Variants in NRDC observed in about 807,000 individuals in gnomAD.
NRDC encodes nardilysin.
A neutral mutation model predicts 147.1 loss-of-function variants in NRDC; 54 were observed. The observed-to-expected ratio is 0.37, with a 90% CI of 0.29 to 0.46. The LOEUF (loss-of-function observed/expected upper bound fraction) is 0.46, where lower values mean the gene tolerates loss of function less well. Ranked by LOEUF, NRDC falls within the 20% of genes least tolerant of loss-of-function variation. NRDC has a pLI of 1.00. For synonymous variants in NRDC, 440 were observed against 482.1 expected (o/e 0.91, Z 1.14); for missense variants, 1,082 against 1,370.6 (o/e 0.79, Z 3.33).
Position 51,817,720 on chromosome 1 carries a change from T to C in NRDC, c.1361+346A>G, listed in dbSNP as rs541561701. Among the ~76,000 whole-genome samples, 6 of 152,306 alleles carry C rather than the reference T, an allele frequency of 3.9e-5. No individual in the cohort carries two copies. In the East Asian group the frequency reaches 1.2e-3, roughly 29 times the overall value. Reference sequence around the variant, plus strand: ...CCACGCCTTGGCTAGTTTTTTGATATTTTTAGTCGAGACAGGGTTTCGCTA... The same window carrying C: ...CCACGCCTTGGCTAGTTTTTTGATACTTTTAGTCGAGACAGGGTTTCGCTA... On this transcript the variant is annotated intron_variant, in intron 10 of 30. Coordinates refer to ENST00000352171, the MANE Select transcript of NRDC (RefSeq NM_001101662.2).
intron 22 of NRDC, among the ~76,000 whole-genome samples, chr1:51,796,927 A>G (rs1571840486): frequency 6.9e-6 from 1 of 144,212 alleles, no homozygotes; most frequent in East Asian, 2.4e-4. Context: ...AGGGCCAGGC[A>G]CGGTGGCTCA....
At chr1:51,876,806 G>GTT (rs1683351168) in intron 1 of NRDC, among the ~76,000 whole-genome samples, 2 of 152,224 alleles carry the variant, frequency 1.3e-5, no homozygotes, top group Admixed American at 1.3e-4. Flanking sequence ...CTATAAGGTT[G>GTT]TTTCTTGCGC....
At chr1:51,831,301 C>T (rs1346049391) in intron 4 of NRDC, among the ~76,000 whole-genome samples, 1 of 152,154 alleles carries the variant, frequency 6.6e-6, no homozygotes, top group Non-Finnish European at 1.5e-5. Flanking sequence ...TCCTTTTTCC[C>T]AATAAAATCA....
chr1:51,845,033 A>G lies in NRDC; in HGVS notation c.342-4519T>C, dbSNP rs183717517. ...TTTCAAAATTCATCATTGGCTTCCC[A>G]TCATACTTAAAATCCAAAATCCTTA... On this transcript the variant is annotated intron_variant, in intron 1 of 30. Transcript: ENST00000352171. 2.6e-3 allele frequency among the ~76,000 whole-genome samples: 402 copies of G among 152,268 alleles called. 4 individuals carry two copies. Among genetic ancestry groups the G allele is most frequent in the African/African-American group, 9.1e-3 (380 of 41,560 alleles).
intron 18 of NRDC, 56 bp downstream of exon 18, chr1:51,806,738 C>A: frequency 2.0e-6 from 3 of 1,514,342 alleles, no homozygotes; most frequent in Non-Finnish European, 2.7e-6. Context: ...TGAAACAGAG[C>A]ATCTAAAGAG....
chr1:51,869,467 GTAAACATA>G (rs1682978956), intron 1 of NRDC, among the ~76,000 whole-genome samples: 1 of 152,068 alleles, frequency 6.6e-6, no homozygotes, highest in Non-Finnish European at 1.5e-5. Context: ...TATAATTTAA[GTAAACATA>G]TAACAGTAAT....
At chr1:51,856,352 C>G (rs1381424784) in intron 1 of NRDC, among the ~76,000 whole-genome samples, 2 of 152,110 alleles carry the variant, frequency 1.3e-5, no homozygotes, top group African/African-American at 2.4e-5. Flanking sequence ...GCATCAGATC[C>G]CCCAGGATGA....
intron 1 of NRDC, among the ~76,000 whole-genome samples, chr1:51,865,761 T>A (rs537683325): frequency 6.6e-6 from 1 of 152,124 alleles, no homozygotes; most frequent in East Asian, 1.9e-4. Flanking sequence ...TTTTAAAACC[T>A]AACAATATCG....
intron 1 of NRDC, among the ~76,000 whole-genome samples, chr1:51,867,440 A>G (rs572683565): frequency 2.0e-5 from 3 of 152,356 alleles, no homozygotes; most frequent in Admixed American, 2.0e-4. Context: ...TGGAGGTAGG[A>G]AAACAAAATT....
At chr1:51,865,014 T>C (rs970384635) in intron 1 of NRDC, among the ~76,000 whole-genome samples, 2 of 151,220 alleles carry the variant, frequency 1.3e-5, no homozygotes, top group African/African-American at 2.4e-5. Context: ...TAGAATAAGA[T>C]ACAAAAAGTG....
At chr1:51,796,299 C>T (rs1418884827) in intron 22 of NRDC, among the ~76,000 whole-genome samples, 7 of 151,768 alleles carry the variant, frequency 4.6e-5, no homozygotes, top group Admixed American at 1.3e-4. Flanking sequence ...AGTGCAGTGG[C>T]GTGATCTCGG....
rs74992594 is a variant in NRDC, at chr1:51,806,511, A to G, written c.2110+283T>C. On this transcript the variant is annotated intron_variant, in intron 18 of 30. Coordinates refer to ENST00000352171, the MANE Select transcript of NRDC (RefSeq NM_001101662.2). The stretch of plus-strand genomic sequence containing the variant: ...TAGGAGGACAGTATAAATCTGGTAG[A>G]TAAGCCTAGAAAAAGTCTTCAAACG... Among the ~76,000 whole-genome samples the G allele has an allele frequency of 7.8e-3, 1,190 of 152,332 alleles. 15 individuals are homozygous for G. Among genetic ancestry groups the G allele is most frequent in the African/African-American group, 0.028 (1,146 of 41,560 alleles).
At chr1:51,814,861 G>A (rs1179099700) in intron 11 of NRDC, 48 bp from the exon 12 acceptor site, 1 of 1,500,610 alleles carries the variant, frequency 6.7e-7, no homozygotes, top group Admixed American at 2.4e-5. Context: ...TGGATTGACA[G>A]TCTACAGACA....
chr1:51,861,468 T>A (rs1682538440), intron 1 of NRDC, among the ~76,000 whole-genome samples: 1 of 151,688 alleles, frequency 6.6e-6, no homozygotes, highest in Non-Finnish European at 1.5e-5. Context: ...TAGCTGGGAC[T>A]ACAGGTGCAT....
intron 1 of NRDC, among the ~76,000 whole-genome samples, chr1:51,867,455 T>G (rs1557940612): frequency 6.6e-6 from 1 of 152,204 alleles, no homozygotes; most frequent in Non-Finnish European, 1.5e-5. Context: ...AAAATTTATT[T>G]TATACAGGCT....
At chr1:51,846,323 A>G (rs1681581470) in intron 1 of NRDC, among the ~76,000 whole-genome samples, 1 of 152,168 alleles carries the variant, frequency 6.6e-6, no homozygotes, top group South Asian at 2.1e-4. Flanking sequence ...CATGTTGGCC[A>G]GGCTGGTCTC....
intron 1 of NRDC, among the ~76,000 whole-genome samples, chr1:51,841,635 A>G (rs1681271214): frequency 6.6e-6 from 1 of 152,214 alleles, no homozygotes; most frequent in Non-Finnish European, 1.5e-5. Context: ...TCATGTATTT[A>G]TTCAATAAAC....
Position 51,825,318 on chromosome 1 carries a change from T to A in NRDC, c.1005A>T (p.Arg335Ser), listed in dbSNP as rs1175762065. 1 of 1,601,604 alleles carries A rather than the reference T, an allele frequency of 6.2e-7. No homozygotes were observed. The highest frequency in any genetic ancestry group is 8.5e-7 in the Non-Finnish European group (1 of 1,177,010). ...AAAATTTTCCCATAGGATGTCCAGG[T>A]CTAGCAAGGCTTCCAAACAACATTT... ...RKEMLFGSLA[R>S]PGHPMGKFFW... Residue 335 changes from arginine (R) to serine (S), a missense_variant, in exon 6 of 31, where the codon AGA becomes AGT. Arg to Ser is a moderately radical substitution (Grantham distance 110). Around this residue, in one of 3 missense-constraint regions of NRDC, gnomAD observed 635 missense variants for 923.8 expected, o/e 0.69. Coordinates refer to ENST00000352171, the MANE Select transcript of NRDC (RefSeq NM_001101662.2).
intron 1 of NRDC, chr1:51,860,225 T>A (rs1380902843): frequency 6.4e-6 from 1 of 155,446 alleles, no homozygotes; most frequent in Non-Finnish European, 1.5e-5. Context: ...TCAGAGATAC[T>A]CAGAGTTGAC....
Sources: allele counts gnomAD v4.1 joint callset (sites outside exome capture counted in the v4.1 genomes callset), GRCh38; gene constraint gnomAD v4.1.1; regional missense constraint gnomAD v4.1.1; transcripts MANE v1.5; gene names NCBI Gene and HGNC (gene_info 2026-07-23, HGNC 2026-07-21).